The following RBPJ variants were observed in gnomAD, a reference collection of about 807,000 sequenced individuals.
RBPJ encodes recombining binding protein suppressor of hairless.
RBPJ carries 9 observed loss-of-function variants against 67.8 expected under a neutral mutation model. That is an observed-to-expected ratio of 0.13 (90% CI 0.08 to 0.23). The LOEUF is 0.23. Among genes scored for constraint, RBPJ ranks in the 10% least tolerant of loss-of-function variants. RBPJ has a pLI of 1.00. For synonymous variants in RBPJ, 198 were observed against 203.3 expected, an observed-to-expected ratio of 0.97 and a Z score of 0.22; for missense variants, 305 against 595.6, an observed-to-expected ratio of 0.51 and a Z score of 5.08.
At chr4:26,396,914 GT>G (rs1481726574) in intron 2 of RBPJ, among the ~76,000 whole-genome samples, 1 of 152,160 alleles carries the variant, frequency 6.6e-6, no homozygotes, top group Non-Finnish European at 1.5e-5. Context: ...CAGCCTCAAT[GT>G]TTTATTGTGT....
intron 1 of RBPJ, among the ~76,000 whole-genome samples, chr4:26,271,270 G>C (rs1203190529): frequency 6.6e-6 from 1 of 152,108 alleles, no homozygotes; most frequent in African/African-American, 2.4e-5. Context: ...ATAAGGTTTG[G>C]TGCCATCTTT....
rs1323198296 is a variant in RBPJ, at chr4:26,429,865, A to G, written c.889-33A>G. The G allele has an allele frequency of 2.5e-6, 4 of 1,584,542 alleles. No homozygotes were observed. The South Asian group carries it at 4.4e-5, about 18-fold the overall frequency. On this transcript the variant is annotated intron_variant, in intron 8 of 10. Coordinates refer to ENST00000355476, the MANE Select transcript of RBPJ (RefSeq NM_015874.6). Reference sequence around the variant, plus strand: ...CTTATCCTATTAATACAAACTGTATAAAACTTAGTTTCTAAACTTCTTTCT... The same window carrying G: ...CTTATCCTATTAATACAAACTGTATGAAACTTAGTTTCTAAACTTCTTTCT...
the RBPJ span, among the ~76,000 whole-genome samples, chr4:26,129,657 A>C: frequency 6.6e-6 from 1 of 152,178 alleles, no homozygotes; most frequent in African/African-American, 2.4e-5. Flanking sequence ...GGGGTTACCT[A>C]TCAATCTCCA....
intron 1 of RBPJ, among the ~76,000 whole-genome samples, chr4:26,203,224 A>G (rs1243816906): frequency 3.3e-5 from 5 of 152,150 alleles, no homozygotes; most frequent in Non-Finnish European, 7.3e-5. Flanking sequence ...AAAATTACCT[A>G]ATAGTTTTTC....
the RBPJ span, among the ~76,000 whole-genome samples, chr4:26,133,839 C>A: frequency 1.3e-5 from 2 of 151,984 alleles, no homozygotes; most frequent in East Asian, 1.9e-4. Flanking sequence ...GGCTTTAGAG[C>A]CCCCTCTTCA....
upstream of RBPJ, among the ~76,000 whole-genome samples, chr4:26,316,298 CATATATACATTCATATATACATATTCAT>C (rs1560258067): frequency 2.0e-5 from 3 of 146,858 alleles, no homozygotes; most frequent in African/African-American, 5.0e-5. Flanking sequence ...TACATATACA[CATATATACATTCATATATACATATTCAT>C]ATATATACAT....
chr4:26,130,212 C>T, the RBPJ span, among the ~76,000 whole-genome samples: 4 of 152,158 alleles, frequency 2.6e-5, no homozygotes, highest in African/African-American at 9.7e-5. Flanking sequence ...TGGTACCTAC[C>T]TAAATACATA....
chr4:26,129,524 AC>A, the RBPJ span, among the ~76,000 whole-genome samples: 2 of 152,174 alleles, frequency 1.3e-5, no homozygotes, highest in Non-Finnish European at 2.9e-5. Flanking sequence ...ATGCCAAATA[AC>A]CTTAACTAAT....
the RBPJ span, among the ~76,000 whole-genome samples, chr4:26,117,134 G>A: frequency 1.3e-5 from 2 of 152,120 alleles, no homozygotes; most frequent in South Asian, 4.1e-4. Context: ...TTTTTTAAGT[G>A]AAGGGCTATC....
At chr4:26,357,250 G>A (rs1727480118) in intron 1 of RBPJ, among the ~76,000 whole-genome samples, 1 of 152,162 alleles carries the variant, frequency 6.6e-6, no homozygotes, top group South Asian at 2.1e-4. Flanking sequence ...ATTGACTATA[G>A]GACTGTTACA....
chr4:26,169,640 T>A (rs1270907782), intron 1 of RBPJ, among the ~76,000 whole-genome samples: 1 of 152,236 alleles, frequency 6.6e-6, no homozygotes, highest in Non-Finnish European at 1.5e-5. Flanking sequence ...CAGAGGTTAC[T>A]GCTGTCTTTT....
the RBPJ span, among the ~76,000 whole-genome samples, chr4:26,152,149 CT>C: frequency 6.6e-6 from 1 of 152,194 alleles, no homozygotes; most frequent in East Asian, 1.9e-4. Flanking sequence ...TTACAATTTT[CT>C]TCCTTTCAAT....
chr4:26,268,269 A>G (rs1022182533), intron 1 of RBPJ, among the ~76,000 whole-genome samples: 1 of 152,156 alleles, frequency 6.6e-6, no homozygotes, highest in Non-Finnish European at 1.5e-5. Flanking sequence ...AAAACAAAAA[A>G]CAAACAACAA....
At chr4:26,388,746 T>C (rs1241472313) in intron 2 of RBPJ, among the ~76,000 whole-genome samples, 1 of 152,120 alleles carries the variant, frequency 6.6e-6, no homozygotes, top group African/African-American at 2.4e-5. Context: ...ATAGATACTA[T>C]CTAAAATGAA....
intron 1 of RBPJ, among the ~76,000 whole-genome samples, chr4:26,281,492 C>T (rs916420903): frequency 6.6e-6 from 1 of 152,182 alleles, no homozygotes; most frequent in Non-Finnish European, 1.5e-5. Context: ...GTTGGCCAGG[C>T]TGGTCTCGAA....
chr4:26,238,350 C>G (rs1719518662), intron 1 of RBPJ, among the ~76,000 whole-genome samples: 1 of 152,226 alleles, frequency 6.6e-6, no homozygotes, highest in Admixed American at 6.5e-5. Flanking sequence ...GCATGAGCCA[C>G]CATGCTTGGC....
chr4:26,135,142 C>T, the RBPJ span, among the ~76,000 whole-genome samples: 1 of 152,102 alleles, frequency 6.6e-6, no homozygotes, highest in African/African-American at 2.4e-5. Context: ...TCCTATTCAC[C>T]CCTCAACATC....
intron 1 of RBPJ, among the ~76,000 whole-genome samples, chr4:26,354,165 T>C (rs1727105517): frequency 6.7e-6 from 1 of 149,264 alleles, no homozygotes; most frequent in Admixed American, 6.7e-5. Context: ...TCTCCTGACC[T>C]CGTGATCCAC....
In RBPJ at chr4:26,221,975, G is replaced by A. The variant is rs140797603; in HGVS notation, c.-167+58361G>A. Among the ~76,000 whole-genome samples, 657 of 152,210 alleles carry A rather than the reference G, an allele frequency of 4.3e-3. 1 individual carries two copies. Among genetic ancestry groups the A allele is most frequent in the Non-Finnish European group, 7.1e-3 (481 of 68,002 alleles). On this transcript the variant is annotated intron_variant, in intron 1 of 4. Coordinates refer to the RBPJ transcript ENST00000512351. The stretch of plus-strand genomic sequence containing the variant: ...GGGGGGAGGGCAGGAGTGAGGAGAC[G>A]AACTGAGAGGTGCTAATGGGTAGCA...
Sources: allele counts gnomAD v4.1 joint callset (sites outside exome capture counted in the v4.1 genomes callset), GRCh38; gene constraint gnomAD v4.1.1; transcripts MANE v1.5; gene names NCBI Gene and HGNC (gene_info 2026-07-23, HGNC 2026-07-21).